Variants in TRPC4 observed in about 807,000 individuals in gnomAD.
TRPC4 encodes the protein transient receptor potential cation channel subfamily C member 4.
In TRPC4, 49 loss-of-function variants were observed where a neutral mutation model predicts 99.4. The ratio of observed to expected loss-of-function variants is 0.49; its 90% CI spans 0.39 to 0.63. The LOEUF (loss-of-function observed/expected upper bound fraction) is 0.63, where lower values mean the gene tolerates loss of function less well. Among genes scored for constraint, TRPC4 ranks in the 20% least tolerant of loss-of-function variants. TRPC4 has a pLI of 0.00. For missense variants in TRPC4, 898 were observed against 1,152.9 expected, an observed-to-expected ratio of 0.78 and a Z score of 3.20; for synonymous variants, 454 against 425.9, an observed-to-expected ratio of 1.07 and a Z score of -0.81.
chr13:37,760,729 C>T (rs1166452261), intron 2 of TRPC4, among the ~76,000 whole-genome samples: 1 of 151,886 alleles, frequency 6.6e-6, no homozygotes, highest in Non-Finnish European at 1.5e-5. Context: ...TAAAAATAAT[C>T]TCATCAGCTA....
intron 1 of TRPC4, among the ~76,000 whole-genome samples, chr13:37,854,164 AT>A (rs2139688082): frequency 6.6e-6 from 1 of 152,316 alleles, no homozygotes; most frequent in South Asian, 2.1e-4. Flanking sequence ...TAAAGAAATT[AT>A]CCTAAAAGCA....
chr13:37,641,677 A>G (rs948899321), intron 8 of TRPC4, among the ~76,000 whole-genome samples: 1 of 152,048 alleles, frequency 6.6e-6, no homozygotes, highest in African/African-American at 2.4e-5. Context: ...TTTCTAGGAG[A>G]AAGTGTGGTG....
At chr13:37,784,114 T>C in intron 1 of TRPC4, among the ~76,000 whole-genome samples, 1 of 152,110 alleles carries the variant, frequency 6.6e-6, no homozygotes, top group East Asian at 1.9e-4. Context: ...TATTTTTTTC[T>C]CTCTGTGAGT....
chr13:37,708,740 T>C lies in TRPC4; in HGVS notation c.898-16405A>G, dbSNP rs558243998. ...ACATATATAACTATATATGTATATA[T>C]ATAATTTAAGTTAAAAATCTTAATT... On this transcript the variant is annotated intron_variant, in intron 3 of 10. Transcript: ENST00000379705. 2.7e-5 allele frequency among the ~76,000 whole-genome samples: 4 copies of C among 149,082 alleles called. No homozygotes were observed. In the South Asian group the frequency reaches 8.4e-4, roughly 31 times the overall value.
intron 1 of TRPC4, among the ~76,000 whole-genome samples, chr13:37,853,371 C>G (rs1409835917): frequency 6.6e-6 from 1 of 152,186 alleles, no homozygotes; most frequent in Non-Finnish European, 1.5e-5. Context: ...AGGACCCCTA[C>G]AAGTCTGCAA....
intron 3 of TRPC4, among the ~76,000 whole-genome samples, chr13:37,730,696 A>T (rs1231545543): frequency 6.6e-6 from 1 of 152,048 alleles, no homozygotes; most frequent in East Asian, 1.9e-4. Flanking sequence ...CCAAGATATT[A>T]AAATAAACGC....
chr13:37,822,586 C>T (rs1190343485), intron 1 of TRPC4, among the ~76,000 whole-genome samples: 3 of 151,660 alleles, frequency 2.0e-5, no homozygotes, highest in Non-Finnish European at 4.4e-5. Context: ...CATGTCCCTA[C>T]AAAGGACATG....
intron 2 of TRPC4, among the ~76,000 whole-genome samples, chr13:37,773,678 G>A (rs369144423): frequency 1.3e-5 from 2 of 151,704 alleles, no homozygotes; most frequent in African/African-American, 4.8e-5. Flanking sequence ...CTTACCACAA[G>A]GGTTGTTATG....
At chr13:37,660,874 G>A (rs949528308) in intron 6 of TRPC4, among the ~76,000 whole-genome samples, 1 of 152,090 alleles carries the variant, frequency 6.6e-6, no homozygotes, top group Non-Finnish European at 1.5e-5. Context: ...GGCCCCAAGG[G>A]TATCACTATA....
intron 3 of TRPC4, among the ~76,000 whole-genome samples, chr13:37,710,861 A>G (rs1175733607): frequency 6.6e-6 from 1 of 151,942 alleles, no homozygotes; most frequent in East Asian, 1.9e-4. Flanking sequence ...TTTGAATGGA[A>G]AGATAGACTA....
chr13:37,674,273 G>A lies in TRPC4; in HGVS notation c.1329C>T (p.Ser443=). Reference sequence around the variant, plus strand: ...TCAAGGAGATTGTTGCTAAATATAAGGAGTTCATTACAAAGTCCATTAGAT... The same window carrying A: ...TCAAGGAGATTGTTGCTAAATATAAAGAGTTCATTACAAAGTCCATTAGAT... ...WWNLMDFVMN[S]LYLATISLKI... Residue 443 remains serine, a synonymous_variant, in exon 5 of 11, where the codon TCC becomes TCT. Coordinates refer to ENST00000379705, the MANE Select transcript of TRPC4 (RefSeq NM_016179.4). 4 of 1,602,092 alleles carry A rather than the reference G, an allele frequency of 2.5e-6. No homozygotes were observed. Among genetic ancestry groups the A allele is most frequent in the Non-Finnish European group, 2.6e-6 (3 of 1,176,428 alleles).
Position 37,782,942 on chromosome 13 carries a change from A to T in TRPC4, c.378+14T>A, listed in dbSNP as rs1956877776. The T allele has an allele frequency of 7.0e-7, 1 of 1,420,148 alleles. No individual in the cohort carries two copies. The highest frequency in any genetic ancestry group is 1.4e-5 in the African/African-American group (1 of 69,376). 88.0% of individuals were successfully genotyped at this position (1,420,148 alleles called of 1,614,324 possible). ...GCAGGTAAAATAAATTAAAAACTGT[A>T]TTTTTGCAGGTACCTGTTTTTCTCC... is the stretch of plus-strand genomic sequence containing the variant. On this transcript the variant is annotated intron_variant, in intron 2 of 10. Transcript: ENST00000379705.
intron 7 of TRPC4, among the ~76,000 whole-genome samples, chr13:37,652,297 C>T (rs1358328185): frequency 6.6e-6 from 1 of 152,186 alleles, no homozygotes; most frequent in Non-Finnish European, 1.5e-5. Context: ...TTCATTGTAA[C>T]CAGTTAATAT....
chr13:37,822,485 T>G (rs1958044464), intron 1 of TRPC4, among the ~76,000 whole-genome samples: 1 of 149,640 alleles, frequency 6.7e-6, no homozygotes, highest in Admixed American at 6.7e-5. Context: ...GTGATCTCAT[T>G]GTTTGATTCC....
chr13:37,714,954 T>G (rs1306350214), intron 3 of TRPC4, among the ~76,000 whole-genome samples: 1 of 152,194 alleles, frequency 6.6e-6, no homozygotes, highest in Non-Finnish European at 1.5e-5. Context: ...GCCTAACAAT[T>G]CCTAATACGT....
chr13:37,752,184 G>T (rs1405343681), intron 2 of TRPC4, among the ~76,000 whole-genome samples: 2 of 147,102 alleles, frequency 1.4e-5, no homozygotes, highest in South Asian at 2.2e-4. Flanking sequence ...TAATTTTTTT[G>T]TTCAGTATTA....
chr13:37,714,888 A>C (rs927866483), intron 3 of TRPC4, among the ~76,000 whole-genome samples: 13 of 152,210 alleles, frequency 8.5e-5, no homozygotes, highest in Non-Finnish European at 1.6e-4. Context: ...CTCTCCCACT[A>C]GACTGCTAGT....
At chr13:37,799,660 T>G (rs759406262) in intron 1 of TRPC4, among the ~76,000 whole-genome samples, 1 of 136,682 alleles carries the variant, frequency 7.3e-6, no homozygotes, top group Non-Finnish European at 1.6e-5. Context: ...AAGCAAATAC[T>G]ATTTTATTTT....
intron 3 of TRPC4, among the ~76,000 whole-genome samples, chr13:37,693,930 T>G (rs550281713): frequency 6.6e-6 from 1 of 152,280 alleles, no homozygotes; most frequent in African/African-American, 2.4e-5. Context: ...CGGCACTTAC[T>G]TAAGGAAATT....
Sources: allele counts gnomAD v4.1 joint callset (sites outside exome capture counted in the v4.1 genomes callset), GRCh38; gene constraint gnomAD v4.1.1; transcripts MANE v1.5; gene names NCBI Gene and HGNC (gene_info 2026-07-23, HGNC 2026-07-21).